The following ANO3 variants were observed in gnomAD, a reference collection of about 807,000 sequenced individuals.
ANO3 encodes anoctamin-3.
A neutral mutation model predicts 144.8 loss-of-function variants in ANO3; 99 were observed. The observed-to-expected ratio is 0.68, with a 90% confidence interval of 0.58 to 0.81. The LOEUF is 0.81. ANO3 is among the 30% of genes least tolerant of loss of function. The pLI is 0.00. For synonymous variants in ANO3, 414 were observed against 392.6 expected, an observed-to-expected ratio of 1.05 and a Z score of -0.64; for missense variants, 905 against 1,202.2, an observed-to-expected ratio of 0.75 and a Z score of 3.66.
chr11:26,397,452 C>T (rs1463292232), intron 1 of ANO3, among the ~76,000 whole-genome samples: 1 of 152,048 alleles, frequency 6.6e-6, no homozygotes, highest in African/African-American at 2.4e-5. Flanking sequence ...AATTTCAAGA[C>T]TGCTCTGAGA....
intron 14 of ANO3, among the ~76,000 whole-genome samples, chr11:26,595,210 T>C (rs1251100222): frequency 6.6e-6 from 1 of 152,164 alleles, no homozygotes; most frequent in Non-Finnish European, 1.5e-5. Flanking sequence ...GTAGCAGTCC[T>C]GCACCCTTTT....
rs755896101 is a variant in ANO3, at chr11:26,634,378, C to T, written c.1985+63C>T. ...AAAACACAGTCAATAGTTTAATTGA[C>T]GATTACTGTTCTTACTCAAATGATT... On this transcript the variant is annotated intron_variant, in intron 19 of 26. Transcript: ENST00000256737. 3.9e-5 allele frequency: 42 copies of T among 1,067,174 alleles called. 1 individual carries two copies. The highest frequency in any genetic ancestry group is 5.1e-5 in the East Asian group (2 of 39,590). The allele number at this position is 1,067,174 out of a possible 1,614,324, so 66.1% of individuals were successfully genotyped here.
chr11:26,435,828 T>C (rs1412448201), intron 1 of ANO3, among the ~76,000 whole-genome samples: 1 of 152,244 alleles, frequency 6.6e-6, no homozygotes, highest in Non-Finnish European at 1.5e-5. Context: ...GATTGGGTTT[T>C]GCCATTCTCC....
At chr11:26,647,193 G>A (rs7124404) in intron 23 of ANO3, among the ~76,000 whole-genome samples, 55,573 of 151,950 alleles carry the variant, frequency 0.37, 11,313 homozygotes, top group South Asian at 0.49. Flanking sequence ...CATGATGCCA[G>A]ATTGACCTCC....
At chr11:26,227,335 A>C (rs775581344) in intron 1 of ANO3, among the ~76,000 whole-genome samples, 1 of 152,210 alleles carries the variant, frequency 6.6e-6, no homozygotes, top group Non-Finnish European at 1.5e-5. Flanking sequence ...GATGATTTGC[A>C]TCAGACATCT....
chr11:26,239,322 A>T lies in ANO3; in HGVS notation c.154+49992A>T, dbSNP rs3101362. 0.025 allele frequency among the ~76,000 whole-genome samples: 3,778 copies of T among 152,216 alleles called. 410 individuals carry two copies. The East Asian group carries it at 0.34, about 14-fold the overall frequency. On this transcript the variant is annotated intron_variant, in intron 1 of 27. Transcript: ENST00000672621. Reference sequence around the variant, plus strand: ...GCTAATTAGAGATCTGCTTCATCGCATTGGAGAAAGAAGCAGGCCTAATTT... The same window carrying T: ...GCTAATTAGAGATCTGCTTCATCGCTTTGGAGAAAGAAGCAGGCCTAATTT...
chr11:26,526,001 G>A (rs888431717), intron 7 of ANO3, among the ~76,000 whole-genome samples: 15 of 151,992 alleles, frequency 9.9e-5, no homozygotes, highest in African/African-American at 3.6e-4. Flanking sequence ...TTTAAATGAT[G>A]ACCCACAGTA....
chr11:26,406,940 C>G (rs1412315327), intron 1 of ANO3, among the ~76,000 whole-genome samples: 1 of 143,872 alleles, frequency 7.0e-6, no homozygotes, highest in Non-Finnish European at 1.5e-5. Flanking sequence ...ATAAATACAT[C>G]TGTGTATATA....
At chr11:26,600,706 C>A (rs751802751) in intron 17 of ANO3, among the ~76,000 whole-genome samples, 1 of 146,900 alleles carries the variant, frequency 6.8e-6, no homozygotes, top group Non-Finnish European at 1.5e-5. Context: ...CTGCTCTATT[C>A]TATCAGGAAG....
chr11:26,241,100 T>TA (rs1852655854), intron 1 of ANO3, among the ~76,000 whole-genome samples: 1 of 152,116 alleles, frequency 6.6e-6, no homozygotes, highest in African/African-American at 2.4e-5. Flanking sequence ...CTCATGGTTT[T>TA]AAAAATGGGA....
chr11:26,371,649 T>A (rs1856260799), intron 1 of ANO3, among the ~76,000 whole-genome samples: 1 of 152,218 alleles, frequency 6.6e-6, no homozygotes, highest in Non-Finnish European at 1.5e-5. Context: ...TGCCCAAGAC[T>A]GTGGGAGCCC....
chr11:26,201,587 C>T (rs1274206663), intron 1 of ANO3, among the ~76,000 whole-genome samples: 2 of 151,908 alleles, frequency 1.3e-5, no homozygotes, highest in Non-Finnish European at 2.9e-5. Flanking sequence ...CGATCAAAAG[C>T]TAAGTGACTC....
intron 17 of ANO3, among the ~76,000 whole-genome samples, chr11:26,613,055 A>G (rs2132972399): frequency 6.6e-6 from 1 of 152,218 alleles, no homozygotes; most frequent in African/African-American, 2.4e-5. Context: ...ATATTTGGGA[A>G]GTTTCTGTCT....
At chr11:26,485,504 A>G (rs891052860) in intron 4 of ANO3, among the ~76,000 whole-genome samples, 1 of 152,170 alleles carries the variant, frequency 6.6e-6, no homozygotes, top group African/African-American at 2.4e-5. Context: ...CTTCCTGTAC[A>G]GCCTGCAGAA....
At chr11:26,499,329 G>T (rs1861094469) in intron 4 of ANO3, among the ~76,000 whole-genome samples, 1 of 151,134 alleles carries the variant, frequency 6.6e-6, no homozygotes, top group African/African-American at 2.4e-5. Flanking sequence ...TTTATAACTG[G>T]TGCTGATGCT....
At chr11:26,289,769 A>G (rs917148369) in intron 1 of ANO3, among the ~76,000 whole-genome samples, 5 of 141,820 alleles carry the variant, frequency 3.5e-5, no homozygotes. Flanking sequence ...ATATATATGT[A>G]TACATATGTA....
chr11:26,274,073 A>G (rs1011761320), intron 1 of ANO3, among the ~76,000 whole-genome samples: 3 of 152,302 alleles, frequency 2.0e-5, no homozygotes, highest in East Asian at 1.9e-4. Flanking sequence ...GGATGCTTCA[A>G]TTGAAAAGAG....
intron 1 of ANO3, among the ~76,000 whole-genome samples, chr11:26,360,135 T>G (rs2076963831): frequency 7.7e-6 from 1 of 129,600 alleles, no homozygotes; most frequent in African/African-American, 3.0e-5. Context: ...TTGACATTTT[T>G]TCCTTTTTAT....
chr11:26,497,041 C>G (rs1157625954), intron 4 of ANO3, among the ~76,000 whole-genome samples: 1 of 149,988 alleles, frequency 6.7e-6, no homozygotes, highest in African/African-American at 2.4e-5. Context: ...CACACACACA[C>G]ACACACTACA....
Sources: gnomAD v4.1 joint callset for allele counts (sites outside exome capture counted in the v4.1 genomes callset) on GRCh38, gnomAD v4.1.1 for gene constraint, MANE v1.5 for transcripts, NCBI Gene and HGNC (gene_info 2026-07-23, HGNC 2026-07-21) for gene names.